The following ATP2C2 variants were observed in gnomAD, a reference collection of about 807,000 sequenced individuals.
ATP2C2 encodes the protein ATPase secretory pathway Ca2+ transporting 2, also known as calcium-transporting ATPase type 2C member 2.
A neutral mutation model predicts 110.8 loss-of-function variants in ATP2C2; 171 were observed. The ratio of observed to expected loss-of-function variants is 1.54; its 90% CI spans 1.36 to 1.75. ATP2C2 has a LOEUF of 1.75. ATP2C2 is among the 40% of genes most tolerant of loss of function. The probability of loss-of-function intolerance (pLI) is 0.00; values close to 1 mark genes in which losing one functional copy is unlikely to be tolerated. For missense variants in ATP2C2, 1,963 were observed against 1,235.0 expected, an observed-to-expected ratio of 1.59 and a Z score of -8.84; for synonymous variants, 804 against 508.4, an observed-to-expected ratio of 1.58 and a Z score of -7.82.
chr16:84,455,831 G>C (rs1372328697), intron 21 of ATP2C2, among the ~76,000 whole-genome samples: 1 of 146,150 alleles, frequency 6.8e-6, no homozygotes, highest in Non-Finnish European at 1.5e-5. Context: ...AGAGTTTTTA[G>C]CATGAAGGGT....
chr16:84,434,730 C>G (rs144437987), intron 11 of ATP2C2, among the ~76,000 whole-genome samples: 3,602 of 152,078 alleles, frequency 0.024, 153 homozygotes, highest in African/African-American at 0.083. Context: ...GTTGGCCAGG[C>G]TAGTCTCAAA....
intron 21 of ATP2C2, among the ~76,000 whole-genome samples, chr16:84,456,262 C>A (rs1378813597): frequency 1.0e-5 from 1 of 96,852 alleles, no homozygotes; most frequent in African/African-American, 3.7e-5. Context: ...TGGTCCTGGA[C>A]TCTTTTTGGT....
chr16:84,404,077 C>T (rs1180276076), intron 2 of ATP2C2, among the ~76,000 whole-genome samples: 1 of 152,210 alleles, frequency 6.6e-6, no homozygotes, highest in African/African-American at 2.4e-5. Context: ...ATGCCCAATG[C>T]TGCTATGAAC....
chr16:84,429,108 A>G (rs1185848985), intron 11 of ATP2C2, among the ~76,000 whole-genome samples: 1 of 151,546 alleles, frequency 6.6e-6, no homozygotes, highest in Non-Finnish European at 1.5e-5. Context: ...TTCTGGCTTA[A>G]TATCCTGAAC....
intron 1 of ATP2C2, among the ~76,000 whole-genome samples, chr16:84,391,113 C>CAA (rs567509863): frequency 0.28 from 20,532 of 73,098 alleles, 3,423 homozygotes; most frequent in Admixed American, 0.35. Context: ...GACTCAGACT[C>CAA]AAAAAAAAAA....
chr16:84,430,157 G>A (rs1184257884), intron 11 of ATP2C2, among the ~76,000 whole-genome samples: 2 of 152,198 alleles, frequency 1.3e-5, no homozygotes, highest in African/African-American at 4.8e-5. Context: ...GAGTTAGGAT[G>A]TGAACATATT....
chr16:84,395,462 C>A, intron 1 of ATP2C2, among the ~76,000 whole-genome samples: 1 of 142,802 alleles, frequency 7.0e-6, no homozygotes, highest in East Asian at 2.1e-4. Context: ...TGCCTTTGAT[C>A]TTTTTTTTTT....
At chr16:84,438,487 C>T (rs1290502192) in intron 11 of ATP2C2, among the ~76,000 whole-genome samples, 1 of 152,174 alleles carries the variant, frequency 6.6e-6, no homozygotes, top group Non-Finnish European at 1.5e-5. Flanking sequence ...GTGCTGCAGC[C>T]CCAGTCTCAT....
intron 21 of ATP2C2, 31 bp from the exon 22 acceptor site, chr16:84,459,089 T>G: frequency 6.2e-7 from 1 of 1,613,364 alleles, no homozygotes; most frequent in Middle Eastern, 1.7e-4. Context: ...GCAGGCCCGC[T>G]CCGTGAGTAA....
chr16:84,412,953 G>C (rs936875494), intron 6 of ATP2C2, among the ~76,000 whole-genome samples: 15 of 151,848 alleles, frequency 9.9e-5, no homozygotes, highest in African/African-American at 3.6e-4. Context: ...AAAAAAATTA[G>C]CTGGGCATGG....
At chr16:84,386,639 C>G (rs936633189) in intron 1 of ATP2C2, among the ~76,000 whole-genome samples, 1 of 152,218 alleles carries the variant, frequency 6.6e-6, no homozygotes, top group African/African-American at 2.4e-5. Flanking sequence ...CACAGACGCA[C>G]ACAGGTACTA....
At chr16:84,415,644 A>G in intron 7 of ATP2C2, 53 bp downstream of exon 7, 1 of 1,448,542 alleles carries the variant, frequency 6.9e-7, no homozygotes, top group South Asian at 1.2e-5. Context: ...CTGGTCAAGG[A>G]GCAGACACTT....
chr16:84,463,590 C>A (rs1053019002), intron 26 of ATP2C2, 24 bp from the exon 27 acceptor site: 3 of 1,594,658 alleles, frequency 1.9e-6, no homozygotes, highest in Non-Finnish European at 2.6e-6. Context: ...CGTCCTGAAT[C>A]TTTTCTGTTT....
chr16:84,387,797 G>A (rs947950677), intron 1 of ATP2C2, among the ~76,000 whole-genome samples: 5 of 151,980 alleles, frequency 3.3e-5, no homozygotes, highest in Non-Finnish European at 7.4e-5. Context: ...TATTAGAATC[G>A]CCTGGGGGAC....
intron 3 of ATP2C2, among the ~76,000 whole-genome samples, chr16:84,405,791 A>G (rs1424806276): frequency 6.6e-6 from 1 of 152,106 alleles, no homozygotes; most frequent in Non-Finnish European, 1.5e-5. Flanking sequence ...GTGGTAGTGG[A>G]TGCCTGTAAT....
At position 84,426,880 on chromosome 16, in the gene ATP2C2, C is replaced by T. The variant is rs111802500; in HGVS notation, c.986+1079C>T. On this transcript the variant is annotated intron_variant, in intron 11 of 26. Transcript: ENST00000262429. ...TTCTTCTACGTAGTGATTCATAAGTCATCCCAAGCCCCTGGGTCCTGGTGG... is the reference window on the plus strand; with the variant it reads ...TTCTTCTACGTAGTGATTCATAAGTTATCCCAAGCCCCTGGGTCCTGGTGG... Among the ~76,000 whole-genome samples the T allele has an allele frequency of 5.0e-3, 762 of 152,302 alleles. 5 individuals carry two copies. The highest frequency in any genetic ancestry group is 0.017 in the African/African-American group (713 of 41,568).
chr16:84,404,874 A>T (rs762456802), intron 2 of ATP2C2: 16 of 564,720 alleles, frequency 2.8e-5, no homozygotes, highest in Middle Eastern at 2.9e-4. Flanking sequence ...TCTATGCTGC[A>T]TTTCCATTTG....
chr16:84,460,664 G>T lies in ATP2C2; in HGVS notation c.2344G>T (p.Glu782Ter). 1 of 1,614,220 alleles carries T rather than the reference G, an allele frequency of 6.2e-7. No homozygotes were observed. Residue 782 changes from glutamate to a stop codon, truncating the protein, a stop_gained, in exon 24 of 27, where the codon GAG becomes TAG. Transcript: ENST00000262429. LOFTEE classifies it high-confidence loss of function. ...TCTTGTTCGGAGCAGCTTGGGGGTAGAGCCCGTTGACAAAGACGCCTTCAG... is the reference window on the plus strand; with the variant it reads ...TCTTGTTCGGAGCAGCTTGGGGGTATAGCCCGTTGACAAAGACGCCTTCAG... ...DGPPAQSLGV[E>*]PVDKDAFRQP...
intron 7 of ATP2C2, among the ~76,000 whole-genome samples, chr16:84,417,431 C>T (rs1426863662): frequency 6.6e-6 from 1 of 152,208 alleles, no homozygotes. Context: ...ATGACCCATG[C>T]TGTGCTTAGC....
Sources: allele counts gnomAD v4.1 joint callset (sites outside exome capture counted in the v4.1 genomes callset), GRCh38; gene constraint gnomAD v4.1.1; transcripts MANE v1.5; gene names NCBI Gene and HGNC (gene_info 2026-07-23, HGNC 2026-07-21).